The following ATRX variants were observed in gnomAD, a reference collection of about 807,000 sequenced individuals.
ATRX encodes chromatin remodeler ATRX.
ATRX carries 12 observed loss-of-function variants against 172.6 expected under a neutral mutation model. That is an observed-to-expected ratio of 0.07 (90% CI 0.04 to 0.11). The LOEUF is 0.11. ATRX is among the 10% of genes least tolerant of loss of function. The probability of loss-of-function intolerance (pLI) is 1.00; values close to 1 mark genes in which losing one functional copy is unlikely to be tolerated. For synonymous variants in ATRX, 674 were observed against 594.7 expected (o/e 1.13, Z -1.94); for missense variants, 1,368 against 1,767.4 (o/e 0.77, Z 4.05).
chrX:77,581,600 C>T (rs1318856143), intron 27 of ATRX, among the ~76,000 whole-genome samples: 2 of 111,482 alleles, frequency 1.8e-5, no homozygotes, highest in Non-Finnish European at 1.9e-5. Context: ...GAGATAGACC[C>T]CAATAAAATA....
intron 28 of ATRX, among the ~76,000 whole-genome samples, chrX:77,560,520 C>T (rs1222867624): frequency 9.0e-6 from 1 of 110,816 alleles, no homozygotes; most frequent in Admixed American, 9.6e-5. Flanking sequence ...TTGCTGGTAA[C>T]TTACAGAGTG....
At chrX:77,542,824 G>A (rs2064063229) in intron 30 of ATRX, among the ~76,000 whole-genome samples, 1 of 111,717 alleles carries the variant, frequency 9.0e-6, no homozygotes, top group South Asian at 3.8e-4. Context: ...AAGTCAATAT[G>A]GATTAAAGAC....
At chrX:77,652,474 T>C (rs1474779239) in intron 14 of ATRX, 121 bp from the exon 15 acceptor site, 4 of 834,409 alleles carry the variant, frequency 4.8e-6, no homozygotes, top group African/African-American at 4.3e-5. Flanking sequence ...CCTTTAGAAT[T>C]ATATTCAGCA....
At chrX:77,575,152 C>A (rs1174029702) in intron 27 of ATRX, among the ~76,000 whole-genome samples, 1 of 110,371 alleles carries the variant, frequency 9.1e-6, no homozygotes, top group Admixed American at 9.7e-5. Context: ...AAGCAAAATT[C>A]TATCATGCCC....
intron 2 of ATRX, chrX:77,698,899 G>A (rs956067753): frequency 1.1e-5 from 4 of 377,526 alleles, no homozygotes; most frequent in African/African-American, 5.1e-5. Flanking sequence ...AATATTGCAA[G>A]ACATTTCCCA....
intron 19 of ATRX, 70 bp downstream of exon 19, chrX:77,633,137 T>A: frequency 9.6e-7 from 1 of 1,044,214 alleles, no homozygotes; most frequent in Non-Finnish European, 1.3e-6. Context: ...GTGCAATTAC[T>A]ATTTGTTAAA....
chrX:77,505,489 C>T lies in ATRX; in HGVS notation c.*2862G>A, dbSNP rs1022289603. The T allele has an allele frequency of 7.5e-5, 13 of 173,012 alleles. No homozygotes were observed. Among genetic ancestry groups the T allele is most frequent in the African/African-American group, 3.9e-4 (13 of 33,756 alleles). The allele number at this position is 173,012 out of a possible 1,213,427, so 14.3% of individuals were successfully genotyped here. A position where few individuals can be genotyped will look rare whatever the true frequency, so the allele number is the denominator to read the frequency against. ...AAGACATCCAAAACTAACACAAACA[C>T]ACATGGACTTCCTGGTATGTAAATT... On this transcript the variant is annotated 3_prime_UTR_variant, in exon 35 of 35. Coordinates refer to ENST00000373344, the MANE Select transcript of ATRX (RefSeq NM_000489.6).
chrX:77,709,705 C>T (rs1668157182), intron 2 of ATRX, among the ~76,000 whole-genome samples: 1 of 109,018 alleles, frequency 9.2e-6, no homozygotes, highest in African/African-American at 3.3e-5. Context: ...CAAGGGCCTC[C>T]AGAGGACAAG....
chrX:77,661,750 C>T (rs1010419284), intron 12 of ATRX, among the ~76,000 whole-genome samples: 1 of 110,648 alleles, frequency 9.0e-6, no homozygotes, highest in African/African-American at 3.3e-5. Flanking sequence ...AATGACCTTC[C>T]CCAAACCTCA....
intron 19 of ATRX, among the ~76,000 whole-genome samples, chrX:77,629,037 C>T (rs1182047490): frequency 8.9e-6 from 1 of 112,422 alleles, no homozygotes; most frequent in Non-Finnish European, 1.9e-5. Context: ...TGTTTCCAAT[C>T]CTAATACATA....
chrX:77,734,930 G>C (rs1251589368), intron 1 of ATRX, among the ~76,000 whole-genome samples: 1 of 108,855 alleles, frequency 9.2e-6, no homozygotes, highest in Admixed American at 9.9e-5. Flanking sequence ...GGCCAACATG[G>C]TGAAACCCCA....
intron 1 of ATRX, among the ~76,000 whole-genome samples, chrX:77,773,742 ACT>A (rs1353814935): frequency 9.2e-6 from 1 of 108,171 alleles, no homozygotes; most frequent in African/African-American, 3.4e-5. Flanking sequence ...ACAGAGCAAG[ACT>A]CTGTCTCAGA....
At chrX:77,662,524 TTATAATC>T (rs1434714829) in intron 12 of ATRX, among the ~76,000 whole-genome samples, 2 of 111,936 alleles carry the variant, frequency 1.8e-5, no homozygotes, top group African/African-American at 6.5e-5. Context: ...TTATTTCTCT[TTATAATC>T]TAAAGGTTAA....
intron 1 of ATRX, 116 bp downstream of exon 1, chrX:77,785,866 T>C: frequency 1.1e-6 from 1 of 945,632 alleles, no homozygotes; most frequent in South Asian, 3.6e-5. Context: ...ACGATGCCTC[T>C]TTCGGCTAAG....
chrX:77,764,960 G>C (rs1557194664), intron 1 of ATRX, among the ~76,000 whole-genome samples: 1 of 111,754 alleles, frequency 8.9e-6, no homozygotes. Flanking sequence ...TGGATCACAT[G>C]AGGTCAAGAG....
intron 32 of ATRX, 127 bp from the exon 33 acceptor site, chrX:77,521,625 A>G: frequency 2.1e-6 from 1 of 483,061 alleles, no homozygotes. Flanking sequence ...TGAAGAGAAC[A>G]GCAAAATTCA....
intron 1 of ATRX, among the ~76,000 whole-genome samples, chrX:77,785,566 T>G (rs868910872): frequency 7.1e-5 from 1 of 14,143 alleles, no homozygotes; most frequent in East Asian, 4.7e-3. Flanking sequence ...CGCCCACCCC[T>G]CCCCCTCTTC....
intron 30 of ATRX, among the ~76,000 whole-genome samples, chrX:77,530,780 G>A (rs2063549897): frequency 1.8e-5 from 2 of 109,755 alleles, no homozygotes; most frequent in Admixed American, 9.7e-5. Context: ...ACAGAGACAT[G>A]GAAAACCCCT....
At chrX:77,661,199 T>C (rs2069872738) in intron 12 of ATRX, among the ~76,000 whole-genome samples, 1 of 112,229 alleles carries the variant, frequency 8.9e-6, no homozygotes, top group South Asian at 3.7e-4. Context: ...GTCTACTTAT[T>C]GATAATGTGC....
Sources: gnomAD v4.1 joint callset for allele counts (sites outside exome capture counted in the v4.1 genomes callset) on GRCh38, gnomAD v4.1.1 for gene constraint, MANE v1.5 for transcripts, NCBI Gene and HGNC (gene_info 2026-07-23, HGNC 2026-07-21) for gene names.